Variants in HDAC9 observed in about 807,000 individuals in gnomAD.
HDAC9 encodes the protein histone deacetylase 9.
A neutral mutation model predicts 139.4 loss-of-function variants in HDAC9; 41 were observed. The ratio of observed to expected loss-of-function variants is 0.29; its 90% CI spans 0.23 to 0.38. HDAC9 has a LOEUF of 0.38. HDAC9 is among the 10% of genes least tolerant of loss of function. HDAC9 has a pLI of 1.00. For synonymous variants in HDAC9, 517 were observed against 476.2 expected (o/e 1.09, Z -1.12); for missense variants, 1,147 against 1,297.0 (o/e 0.88, Z 1.78).
chr7:18,551,423 G>A lies in HDAC9; in HGVS notation c.23-33858G>A, dbSNP rs112811148. On this transcript the variant is annotated intron_variant, in intron 2 of 25. Coordinates refer to ENST00000686413, the MANE Select transcript of HDAC9 (RefSeq NM_178425.4). Reference sequence around the variant, plus strand: ...GGTTACCGAGGAAGTGACTATAGGTGGAGAAGAAGACCAAGAACTAAACCC... The same window carrying A: ...GGTTACCGAGGAAGTGACTATAGGTAGAGAAGAAGACCAAGAACTAAACCC... 5.4e-3 allele frequency among the ~76,000 whole-genome samples: 829 copies of A among 152,194 alleles called. 6 individuals carry two copies. The highest frequency in any genetic ancestry group is 0.019 in the African/African-American group (775 of 41,510).
Position 18,920,652 on chromosome 7 carries a change from T to A in HDAC9, c.2804-15157T>A, listed in dbSNP as rs535648010. Among the ~76,000 whole-genome samples the A allele has an allele frequency of 2.6e-5, 4 of 152,282 alleles. No individual in the cohort carries two copies. The East Asian group carries it at 7.7e-4, about 29-fold the overall frequency. On this transcript the variant is annotated intron_variant, in intron 22 of 25. Coordinates refer to ENST00000686413, the MANE Select transcript of HDAC9 (RefSeq NM_178425.4). ...GGTTTGTCATAGATAGCTCTTATTATTTTGAGATATGTCCCATCAATACCT... is the reference window on the plus strand; with the variant it reads ...GGTTTGTCATAGATAGCTCTTATTAATTTGAGATATGTCCCATCAATACCT...
At chr7:18,318,746 T>C (rs1445909863) in intron 1 of HDAC9, among the ~76,000 whole-genome samples, 1 of 152,224 alleles carries the variant, frequency 6.6e-6, no homozygotes, top group African/African-American at 2.4e-5. Context: ...GTTCATACTT[T>C]GGGTCTGTCA....
intron 9 of HDAC9, among the ~76,000 whole-genome samples, chr7:18,646,061 A>G (rs1787299489): frequency 6.6e-6 from 1 of 152,198 alleles, no homozygotes; most frequent in South Asian, 2.1e-4. Context: ...TAAATGAAAA[A>G]CAAAAAAAGG....
chr7:18,750,447 G>A (rs1233229526), intron 14 of HDAC9, among the ~76,000 whole-genome samples: 5 of 152,066 alleles, frequency 3.3e-5, no homozygotes, highest in African/African-American at 9.7e-5. Context: ...ATATATTTAT[G>A]GTAGAATTAT....
chr7:18,717,442 T>C (rs1163358775), intron 12 of HDAC9, among the ~76,000 whole-genome samples: 1 of 151,804 alleles, frequency 6.6e-6, no homozygotes, highest in African/African-American at 2.4e-5. Flanking sequence ...TTTTTTTTTT[T>C]TTTTTTGAGA....
intron 22 of HDAC9, among the ~76,000 whole-genome samples, chr7:18,903,145 G>T (rs1392123889): frequency 6.6e-6 from 1 of 152,244 alleles, no homozygotes; most frequent in Non-Finnish European, 1.5e-5. Flanking sequence ...GGTGCTTTGA[G>T]AAATGATGGA....
Position 18,129,854 on chromosome 7 carries a change from G to T in HDAC9, c.-96-32375G>T, listed in dbSNP as rs145939867. On this transcript the variant is annotated intron_variant, in intron 1 of 12. Transcript: ENST00000417496. ...ACAAATGAATATGTAATGGCAAAGT[G>T]ATATAAGTGTTAGGGAGAGCATCCG... is the stretch of plus-strand genomic sequence containing the variant. 9.9e-4 allele frequency among the ~76,000 whole-genome samples: 151 copies of T among 152,274 alleles called. 3 individuals are homozygous for T. The East Asian group carries it at 0.027, about 27-fold the overall frequency.
chr7:18,614,836 G>A (rs988743881), intron 6 of HDAC9, among the ~76,000 whole-genome samples: 4 of 152,070 alleles, frequency 2.6e-5, no homozygotes, highest in African/African-American at 7.2e-5. Context: ...TCTAATTAAG[G>A]GTTTTAGCTG....
chr7:18,359,616 T>C (rs971569063), intron 1 of HDAC9, among the ~76,000 whole-genome samples: 4 of 152,018 alleles, frequency 2.6e-5, no homozygotes, highest in Non-Finnish European at 5.9e-5. Context: ...GCTTTGGTGA[T>C]TTTTTTTGTT....
chr7:18,824,020 A>AGAAGAGGAAGAGGAAGAG (rs201244341), intron 17 of HDAC9, among the ~76,000 whole-genome samples: 5 of 111,562 alleles, frequency 4.5e-5, no homozygotes, highest in South Asian at 4.3e-4. Context: ...GGGAAGGGGA[A>AGAAGAGGAAGAGGAAGAG]GAAGAGGAAG....
At chr7:18,275,257 G>A (rs896134955) in intron 2 of HDAC9, among the ~76,000 whole-genome samples, 1 of 152,062 alleles carries the variant, frequency 6.6e-6, no homozygotes, top group Non-Finnish European at 1.5e-5. Context: ...AATACATAAG[G>A]AGAGGCCTGT....
intron 1 of HDAC9, among the ~76,000 whole-genome samples, chr7:18,120,932 C>T (rs1223110723): frequency 6.6e-6 from 1 of 152,118 alleles, no homozygotes; most frequent in Non-Finnish European, 1.5e-5. Flanking sequence ...TACTTCCACA[C>T]TGGCAGTAAG....
At chr7:18,995,120 T>C (rs1431194408) in intron 25 of HDAC9, among the ~76,000 whole-genome samples, 1 of 152,238 alleles carries the variant, frequency 6.6e-6, no homozygotes, top group African/African-American at 2.4e-5. Flanking sequence ...TTGCTAATTT[T>C]ATAAGGAACA....
intron 2 of HDAC9, among the ~76,000 whole-genome samples, chr7:18,194,055 A>G (rs1032458056): frequency 9.9e-5 from 15 of 152,176 alleles, no homozygotes; most frequent in African/African-American, 3.6e-4. Context: ...CACTGTGGAA[A>G]GGGACACCCA....
At chr7:18,155,392 AG>A (rs1307568990) in intron 1 of HDAC9, among the ~76,000 whole-genome samples, 2 of 152,118 alleles carry the variant, frequency 1.3e-5, no homozygotes, top group Non-Finnish European at 2.9e-5. Context: ...TACTACGAAA[AG>A]GTCTGTTTTT....
At chr7:18,953,392 C>A (rs1782937831) in intron 23 of HDAC9, among the ~76,000 whole-genome samples, 1 of 152,096 alleles carries the variant, frequency 6.6e-6, no homozygotes, top group Non-Finnish European at 1.5e-5. Context: ...GATGTGTTAT[C>A]AGACTTAGGC....
At chr7:18,662,269 C>T (rs1793423173) in intron 11 of HDAC9, among the ~76,000 whole-genome samples, 2 of 152,000 alleles carry the variant, frequency 1.3e-5, no homozygotes, top group African/African-American at 4.8e-5. Context: ...GGCATTATTG[C>T]AGTCATTATT....
At chr7:18,861,621 T>G (rs1422065777) in intron 21 of HDAC9, among the ~76,000 whole-genome samples, 2 of 152,138 alleles carry the variant, frequency 1.3e-5, no homozygotes, top group Non-Finnish European at 2.9e-5. Flanking sequence ...AACTCTTAGC[T>G]CAGAGACACA....
chr7:18,969,825 C>G (rs570694327), intron 24 of HDAC9, among the ~76,000 whole-genome samples: 5 of 151,938 alleles, frequency 3.3e-5, no homozygotes, highest in African/African-American at 9.7e-5. Context: ...TCAAAAACAA[C>G]GAAAACTTTT....
Sources: gnomAD v4.1 joint callset for allele counts (sites outside exome capture counted in the v4.1 genomes callset) on GRCh38, gnomAD v4.1.1 for gene constraint, MANE v1.5 for transcripts, NCBI Gene and HGNC (gene_info 2026-07-23, HGNC 2026-07-21) for gene names.